The following KIAA2012 variants were observed in gnomAD, a reference collection of about 807,000 sequenced individuals.
KIAA2012 encodes KIAA2012.
A neutral mutation model predicts 150.6 loss-of-function variants in KIAA2012; 125 were observed. That is an observed-to-expected ratio of 0.83 (90% CI 0.72 to 0.96). KIAA2012 has a LOEUF of 0.96. KIAA2012 is among the 40% of genes least tolerant of loss of function. The pLI is 0.00. For missense variants in KIAA2012, 1,219 were observed against 1,354.9 expected (o/e 0.90, Z 1.57); for synonymous variants, 462 against 504.7 (o/e 0.92, Z 1.13).
intron 9 of KIAA2012, 101 bp downstream of exon 9, chr2:202,106,011 G>A: frequency 6.5e-7 from 1 of 1,546,050 alleles, no homozygotes; most frequent in Non-Finnish European, 8.7e-7. Flanking sequence ...GAGTCTGGAA[G>A]GGAGGTTAGT....
Position 202,138,439 on chromosome 2 carries a change from T to C in KIAA2012, c.1839T>C (p.Thr613=). The part of the protein sequence containing the change: ...PSSQHFLKAN[T]EPRANLHMNL... ...CTTTGATTTTCACTACAGCAAACAC[T>C]GAACCTAGAGCCAATCTTCACATGA... The change falls in exon 13 of 24, where the codon ACT becomes ACC. Residue 613 remains threonine, a synonymous_variant. Coordinates refer to ENST00000498697, the MANE Select transcript of KIAA2012 (RefSeq NM_001277372.4). 1 of 1,550,634 alleles carries C rather than the reference T, an allele frequency of 6.4e-7. No homozygotes were observed. Among genetic ancestry groups the C allele is most frequent in the Non-Finnish European group, 8.7e-7 (1 of 1,146,890 alleles).
chr2:202,201,984 G>C (rs1367858138), intron 22 of KIAA2012: 1 of 624,510 alleles, frequency 1.6e-6, no homozygotes, highest in Non-Finnish European at 2.8e-6. Context: ...CAGTCCATCT[G>C]TCTAGCGTTA....
intron 2 of KIAA2012, among the ~76,000 whole-genome samples, chr2:202,077,649 G>C (rs1327870170): frequency 6.6e-6 from 1 of 152,014 alleles, no homozygotes; most frequent in African/African-American, 2.4e-5. Context: ...AAGAGGAGGA[G>C]AAGCAACTCA....
At position 202,100,336 on chromosome 2, in the gene KIAA2012, G is replaced by A; in HGVS notation, c.1042G>A (p.Ala348Thr). 1.3e-6 allele frequency: 2 copies of A among 1,550,546 alleles called. No individual in the cohort carries two copies. The highest frequency in any genetic ancestry group is 2.4e-5 in the East Asian group (1 of 40,926). The change falls in exon 7 of 24, where the codon GCC becomes ACC. Residue 348 changes from alanine (A) to threonine (T), a missense_variant. Ala to Thr is a moderately conservative substitution (Grantham distance 58, BLOSUM62 0). Transcript: ENST00000498697. ...DKQRNVKLHK[A>T]RSSHLLQVLP... ...ACAAAGGAACGTGAAACTCCACAAG[G>A]CCAGAAGCAGCCACTTGTTACAGGT...
At chr2:202,178,532 A>G (rs1405656789) in intron 15 of KIAA2012, 1 of 152,170 alleles carries the variant, frequency 6.6e-6, no homozygotes, top group Non-Finnish European at 1.5e-5. Flanking sequence ...CAATACAAAT[A>G]CGCCCTCTGC....
chr2:202,077,621 A>G (rs1001197587), intron 2 of KIAA2012, among the ~76,000 whole-genome samples: 3 of 152,138 alleles, frequency 2.0e-5, no homozygotes, highest in African/African-American at 7.2e-5. Flanking sequence ...TTTAAGATTA[A>G]CGGACATAGT....
chr2:202,097,979 A>G (rs138288219), intron 5 of KIAA2012, among the ~76,000 whole-genome samples: 1 of 152,172 alleles, frequency 6.6e-6, no homozygotes, highest in Non-Finnish European at 1.5e-5. Context: ...TGAGACTTCC[A>G]GAGAAGGGAA....
At chr2:202,074,054 C>A (rs1689268263) in intron 1 of KIAA2012, among the ~76,000 whole-genome samples, 1 of 151,956 alleles carries the variant, frequency 6.6e-6, no homozygotes, top group Admixed American at 6.6e-5. Flanking sequence ...GGAAGTCGTG[C>A]TCTGCAGTTG....
At chr2:202,075,618 C>T (rs935303266) in intron 2 of KIAA2012, among the ~76,000 whole-genome samples, 5 of 152,148 alleles carry the variant, frequency 3.3e-5, no homozygotes, top group Non-Finnish European at 4.4e-5. Flanking sequence ...AGCCCTTCAG[C>T]GTCTGCAGGA....
At chr2:202,091,237 C>T (rs887648980) in intron 3 of KIAA2012, among the ~76,000 whole-genome samples, 9 of 152,212 alleles carry the variant, frequency 5.9e-5, no homozygotes, top group African/African-American at 2.2e-4. Context: ...AGAGACCCTC[C>T]AGTTCAACAC....
In KIAA2012 at chr2:202,192,394, G is replaced by A. The variant is rs113720037; in HGVS notation, c.2812-907G>A. Among the ~76,000 whole-genome samples the A allele has an allele frequency of 2.0e-3, 299 of 151,482 alleles. 2 individuals carry two copies. The highest frequency in any genetic ancestry group is 6.6e-3 in the African/African-American group (272 of 41,308). ...CCTTCCATTGGAAAGGTGAGTTTCTGTGGGATTAAATGTGAATCTGACCCA... is the reference window on the plus strand; with the variant it reads ...CCTTCCATTGGAAAGGTGAGTTTCTATGGGATTAAATGTGAATCTGACCCA... On this transcript the variant is annotated intron_variant, in intron 19 of 23. Coordinates refer to ENST00000498697, the MANE Select transcript of KIAA2012 (RefSeq NM_001277372.4).
At chr2:202,079,876 A>G (rs991371797) in intron 2 of KIAA2012, among the ~76,000 whole-genome samples, 1 of 152,220 alleles carries the variant, frequency 6.6e-6, no homozygotes, top group African/African-American at 2.4e-5. Context: ...AATACAAACA[A>G]TGTGACATTG....
In KIAA2012 at chr2:202,081,398, C is replaced by A. The variant is rs1574999978; in HGVS notation, c.369+6223C>A. ...GAATTGTTTGGATTATATAGTAATTCTATTTTTAATTCTTTGAGGAACTAC... is the reference window on the plus strand; with the variant it reads ...GAATTGTTTGGATTATATAGTAATTATATTTTTAATTCTTTGAGGAACTAC... On this transcript the variant is annotated intron_variant, in intron 2 of 23. Transcript: ENST00000498697. 2.0e-5 allele frequency among the ~76,000 whole-genome samples: 3 copies of A among 152,228 alleles called. 1 individual carries two copies. The South Asian group carries it at 6.2e-4, about 32-fold the overall frequency.
rs1455303387 is a variant in KIAA2012 at position 202,109,603 on chromosome 2, G to T, written c.1475-10G>T. The T allele has an allele frequency of 6.6e-7, 1 of 1,510,034 alleles. No homozygotes were observed. The highest frequency in any genetic ancestry group is 8.8e-7 in the Non-Finnish European group (1 of 1,131,434). 93.5% of individuals were successfully genotyped at this position (1,510,034 alleles called of 1,614,324 possible). A position where few individuals can be genotyped will look rare whatever the true frequency, so the allele number is the denominator to read the frequency against. On this transcript the variant is annotated splice_polypyrimidine_tract_variant and intron_variant, in intron 9 of 23. Coordinates refer to ENST00000498697, the MANE Select transcript of KIAA2012 (RefSeq NM_001277372.4). ...TCTCACACAGGCTTTTTCCCCTTTT[G>T]TTTTTAAAGATGATGATGCCCCACC...
At position 202,073,409 on chromosome 2, in the gene KIAA2012, G is replaced by T. The variant is rs1211465029; in HGVS notation, c.-219G>T. On this transcript the variant is annotated 5_prime_UTR_variant, in exon 1 of 24. Transcript: ENST00000498697. The stretch of plus-strand genomic sequence containing the variant: ...AGGGCTTGAGGAGGCTGGCTGTGCG[G>T]TTTATTTTTTCTCTCCACAAAGACA... 3 of 486,812 alleles carry T rather than the reference G, an allele frequency of 6.2e-6. No homozygotes were observed. The highest frequency in any genetic ancestry group is 1.1e-5 in the Non-Finnish European group (3 of 271,538). 30.2% of individuals were successfully genotyped at this position (486,812 alleles called of 1,614,324 possible). A position where few individuals can be genotyped will look rare whatever the true frequency, so the allele number is the denominator to read the frequency against.
rs1157283039 is a variant in KIAA2012, at chr2:202,119,263, C to T, written c.1762+5817C>T. 5.3e-5 allele frequency among the ~76,000 whole-genome samples: 6 copies of T among 113,022 alleles called. No individual in the cohort carries two copies. In the Admixed American group the frequency reaches 5.8e-4, roughly 11 times the overall value. 74.1% of individuals were successfully genotyped at this position (113,022 alleles called of 152,430 possible). A position where few individuals can be genotyped will look rare whatever the true frequency, so the allele number is the denominator to read the frequency against. On this transcript the variant is annotated intron_variant, in intron 11 of 23. Transcript: ENST00000498697. ...CTCCAGCCTGGGCAACAGAGCGAGA[C>T]TCCGTCTCAGGAAAAAAAAAAAAGA...
intron 15 of KIAA2012, among the ~76,000 whole-genome samples, chr2:202,170,984 C>CAGTG (rs1467526302): frequency 2.0e-5 from 3 of 152,164 alleles, no homozygotes; most frequent in Non-Finnish European, 4.4e-5. Context: ...AGCTGGGCAA[C>CAGTG]AGTGAGGCTG....
intron 14 of KIAA2012, among the ~76,000 whole-genome samples, chr2:202,156,741 C>T (rs1352909009): frequency 5.9e-5 from 9 of 152,108 alleles, no homozygotes; most frequent in African/African-American, 9.6e-5. Context: ...AAAAATTAGC[C>T]GGGTGTGGTG....
rs575744058 is a variant in KIAA2012, at chr2:202,098,638, G to C, written c.829-975G>C. ...AGCCTTGTTTTGGGTCCTGCTTTTT[G>C]ATAGTTGTGATGAGCCTGTCCAAGA... On this transcript the variant is annotated intron_variant, in intron 5 of 23. Coordinates refer to ENST00000498697, the MANE Select transcript of KIAA2012 (RefSeq NM_001277372.4). 2.3e-4 allele frequency among the ~76,000 whole-genome samples: 35 copies of C among 152,258 alleles called. 2 individuals are homozygous for C. In the South Asian group the frequency reaches 2.9e-3, roughly 13 times the overall value.
Sources: allele counts gnomAD v4.1 joint callset (sites outside exome capture counted in the v4.1 genomes callset), GRCh38; gene constraint gnomAD v4.1.1; transcripts MANE v1.5; gene names NCBI Gene and HGNC (gene_info 2026-07-23, HGNC 2026-07-21).